Variants in SV2C observed in about 807,000 individuals in gnomAD.
SV2C encodes the protein solute carrier family 22 member B3.
A neutral mutation model predicts 79.7 loss-of-function variants in SV2C; 49 were observed. The observed-to-expected ratio is 0.61, with a 90% CI of 0.49 to 0.78. SV2C has a LOEUF of 0.78. SV2C is among the 30% of genes least tolerant of loss of function. The pLI is 0.00. For missense variants in SV2C, 833 were observed against 912.9 expected (o/e 0.91, Z 1.13); for synonymous variants, 334 against 333.2 (o/e 1.00, Z -0.03).
At chr5:76,039,219 A>T in the SV2C span, among the ~76,000 whole-genome samples, 3 of 152,268 alleles carry the variant, frequency 2.0e-5, no homozygotes, top group East Asian at 5.8e-4. Context: ...ATGAGGACCA[A>T]CTGTTGCCCG....
the SV2C span, among the ~76,000 whole-genome samples, chr5:75,982,617 A>G: frequency 6.6e-6 from 1 of 152,226 alleles, no homozygotes; most frequent in African/African-American, 2.4e-5. Flanking sequence ...TACTGGGTAT[A>G]TACCCAAAGG....
intron 4 of SV2C, among the ~76,000 whole-genome samples, chr5:76,270,909 C>T (rs1023530901): frequency 2.0e-5 from 3 of 151,970 alleles, no homozygotes; most frequent in African/African-American, 7.3e-5. Context: ...GCTGGGATTA[C>T]AGGCACCAAC....
chr5:76,301,581 A>G (rs2112525731), intron 12 of SV2C, 36 bp downstream of exon 12: 2 of 1,591,712 alleles, frequency 1.3e-6, no homozygotes, highest in Middle Eastern at 1.8e-4. Context: ...GAGGCACTCT[A>G]AGCCCTGTGA....
chr5:75,903,152 C>T, the SV2C span, among the ~76,000 whole-genome samples: 1 of 152,096 alleles, frequency 6.6e-6, no homozygotes, highest in Non-Finnish European at 1.5e-5. Flanking sequence ...CTCTCTTATT[C>T]CAGGGTCTGT....
At chr5:76,191,341 A>G (rs1744097824) in intron 2 of SV2C, among the ~76,000 whole-genome samples, 1 of 151,206 alleles carries the variant, frequency 6.6e-6, no homozygotes, top group Admixed American at 6.6e-5. Flanking sequence ...ATCATCAGTG[A>G]ATTCGGAATA....
At chr5:75,910,304 T>C in the SV2C span, 7 of 527,284 alleles carry the variant, frequency 1.3e-5, no homozygotes, top group South Asian at 1.0e-4. Context: ...CCTCACACCC[T>C]GGTCAGCCAG....
chr5:76,123,139 A>C (rs1048446147), intron 1 of SV2C, among the ~76,000 whole-genome samples: 1 of 152,206 alleles, frequency 6.6e-6, no homozygotes, highest in Non-Finnish European at 1.5e-5. Context: ...GAAATGGATA[A>C]ATTCGTCGAC....
chr5:76,300,156 AATTATTATT>A (rs142593511), intron 10 of SV2C, among the ~76,000 whole-genome samples: 152 of 139,676 alleles, frequency 1.1e-3, no homozygotes, highest in African/African-American at 1.6e-3. Flanking sequence ...TCAAATAAAA[AATTATTATT>A]ATTATTATTA....
chr5:76,219,801 A>T (rs1745015821), intron 4 of SV2C, among the ~76,000 whole-genome samples: 2 of 152,238 alleles, frequency 1.3e-5, no homozygotes, highest in Admixed American at 6.5e-5. Flanking sequence ...GTGAACTCAG[A>T]GGAGCTGCCT....
chr5:75,912,781 A>G, the SV2C span, among the ~76,000 whole-genome samples: 1 of 152,192 alleles, frequency 6.6e-6, no homozygotes, highest in Non-Finnish European at 1.5e-5. Flanking sequence ...AAAACAGGTG[A>G]TTGTTTTAAA....
chr5:76,247,083 A>G lies in SV2C; in HGVS notation c.913+37196A>G, dbSNP rs1422560228. ...CAGAATGGAAATTGAAGAACCAGAGATTAAAGATTAGAAACTCAAAATCTT... is the reference window on the plus strand; with the variant it reads ...CAGAATGGAAATTGAAGAACCAGAGGTTAAAGATTAGAAACTCAAAATCTT... On this transcript the variant is annotated intron_variant, in intron 4 of 12. Coordinates refer to ENST00000502798, the MANE Select transcript of SV2C (RefSeq NM_014979.4). Among the ~76,000 whole-genome samples, 3 of 152,252 alleles carry G rather than the reference A, an allele frequency of 2.0e-5. No homozygotes were observed. The East Asian group carries it at 5.8e-4, about 29-fold the overall frequency.
the SV2C span, among the ~76,000 whole-genome samples, chr5:76,043,882 T>G: frequency 3.3e-5 from 5 of 152,190 alleles, no homozygotes; most frequent in African/African-American, 1.2e-4. Flanking sequence ...TTCCTCCTTA[T>G]TTCATTTTTC....
chr5:76,219,280 GTTAAT>G (rs1285458539), intron 4 of SV2C, among the ~76,000 whole-genome samples: 5 of 152,164 alleles, frequency 3.3e-5, no homozygotes, highest in Non-Finnish European at 5.9e-5. Context: ...TTCTTAATTT[GTTAAT>G]TTAATTTGTT....
intron 2 of SV2C, among the ~76,000 whole-genome samples, chr5:76,168,493 C>A (rs1271835165): frequency 1.3e-5 from 2 of 152,088 alleles, no homozygotes; most frequent in Non-Finnish European, 2.9e-5. Context: ...AAAATGTGCT[C>A]ATAAAATTCT....
intron 2 of SV2C, among the ~76,000 whole-genome samples, chr5:76,147,705 A>C (rs1049154369): frequency 2.0e-5 from 3 of 152,192 alleles, no homozygotes; most frequent in Non-Finnish European, 4.4e-5. Flanking sequence ...CAGTCAGATA[A>C]AATCATCATT....
chr5:76,209,588 A>G (rs550747737), intron 3 of SV2C, 148 bp from the exon 4 acceptor site: 2 of 819,754 alleles, frequency 2.4e-6, no homozygotes, highest in Non-Finnish European at 3.5e-6. Context: ...TAATTTTTAC[A>G]TTGTAAAATA....
the SV2C span, among the ~76,000 whole-genome samples, chr5:76,005,591 G>A: frequency 3.3e-5 from 5 of 152,180 alleles, no homozygotes; most frequent in Non-Finnish European, 7.3e-5. Flanking sequence ...ACTGGTTCAG[G>A]AATGGATATG....
chr5:75,847,561 T>C, the SV2C span, among the ~76,000 whole-genome samples: 1 of 152,242 alleles, frequency 6.6e-6, no homozygotes, highest in Non-Finnish European at 1.5e-5. Context: ...TGCTTTGCCA[T>C]TTCAAGTCCA....
the SV2C span, among the ~76,000 whole-genome samples, chr5:76,073,503 G>GTACATATA: frequency 1.5e-5 from 1 of 67,412 alleles, no homozygotes; most frequent in Non-Finnish European, 2.7e-5. Context: ...GTATGTGTGT[G>GTACATATA]TATATATATA....
Sources: allele counts gnomAD v4.1 joint callset (sites outside exome capture counted in the v4.1 genomes callset), GRCh38; gene constraint gnomAD v4.1.1; transcripts MANE v1.5; gene names NCBI Gene and HGNC (gene_info 2026-07-23, HGNC 2026-07-21).